ZFAND3: variants seen among roughly 807,000 people sequenced by gnomAD.
The protein encoded by ZFAND3 is AN1-type zinc finger protein 3.
ZFAND3 carries 10 observed loss-of-function variants against 29.6 expected under a neutral mutation model. That is an observed-to-expected ratio of 0.34 (90% CI 0.21 to 0.57). The LOEUF is 0.57. Among genes scored for constraint, ZFAND3 ranks in the 20% least tolerant of loss-of-function variants. ZFAND3 has a pLI of 0.86. For synonymous variants in ZFAND3, 128 were observed against 112.6 expected (o/e 1.14, Z -0.87); for missense variants, 230 against 304.5 (o/e 0.76, Z 1.82).
chr6:37,842,445 A>G (rs1456496880), intron 1 of ZFAND3, among the ~76,000 whole-genome samples: 4 of 152,172 alleles, frequency 2.6e-5, no homozygotes, highest in Admixed American at 2.6e-4. Context: ...TCTTTGACAC[A>G]GTGTAATGTT....
chr6:38,049,895 C>A (rs1763985956), intron 2 of ZFAND3, among the ~76,000 whole-genome samples: 1 of 133,248 alleles, frequency 7.5e-6, no homozygotes, highest in Non-Finnish European at 1.6e-5. Flanking sequence ...CCCACCCCCT[C>A]CCCCTCACAC....
intron 1 of ZFAND3, among the ~76,000 whole-genome samples, chr6:37,847,201 A>G (rs1489042645): frequency 1.3e-5 from 2 of 152,136 alleles, no homozygotes; most frequent in Admixed American, 6.5e-5. Flanking sequence ...GTTACTTTTT[A>G]TGTTTTTTAT....
chr6:37,853,934 C>T (rs1404894677), intron 1 of ZFAND3, among the ~76,000 whole-genome samples: 1 of 151,766 alleles, frequency 6.6e-6, no homozygotes, highest in African/African-American at 2.4e-5. Flanking sequence ...AAAAATAGGG[C>T]TTTTGCCTTT....
chr6:37,962,394 G>A (rs766358631), intron 2 of ZFAND3, among the ~76,000 whole-genome samples: 19 of 152,192 alleles, frequency 1.2e-4, no homozygotes, highest in Non-Finnish European at 1.5e-4. Flanking sequence ...TGGGCTTAAA[G>A]GGGAGGTAGA....
rs201221256 is a variant in ZFAND3, at chr6:38,094,329, G to GA, written c.361+11883dup. Reference sequence around the variant, plus strand: ...CATGGGTACTGCATTTAATCCAGAAGAAAAAAAAAAAGCAAAGGGGAACAA... The same window carrying GA: ...CATGGGTACTGCATTTAATCCAGAAGAAAAAAAAAAAAGCAAAGGGGAACAA... On this transcript the variant is annotated intron_variant, in intron 4 of 5. Coordinates refer to ENST00000287218, the MANE Select transcript of ZFAND3 (RefSeq NM_021943.3). Among the ~76,000 whole-genome samples, 2,697 of 138,016 alleles carry GA rather than the reference G, an allele frequency of 0.02. 250 individuals are homozygous for GA. The East Asian group carries it at 0.29, about 15-fold the overall frequency. 90.5% of individuals were successfully genotyped at this position (138,016 alleles called of 152,430 possible).
intron 4 of ZFAND3, among the ~76,000 whole-genome samples, chr6:38,113,601 G>C (rs1581928846): frequency 6.6e-6 from 1 of 152,208 alleles, no homozygotes; most frequent in African/African-American, 2.4e-5. Flanking sequence ...CAGGGCAGGG[G>C]TTGGGGGGTC....
chr6:37,944,952 A>G (rs1233425978), intron 2 of ZFAND3, among the ~76,000 whole-genome samples: 2 of 152,210 alleles, frequency 1.3e-5, no homozygotes, highest in East Asian at 3.8e-4. Flanking sequence ...GGTTTCTTTA[A>G]TCAAGGGGTG....
At chr6:37,936,513 CTTAATTT>C (rs893120793) in intron 2 of ZFAND3, among the ~76,000 whole-genome samples, 2 of 152,136 alleles carry the variant, frequency 1.3e-5, no homozygotes. Flanking sequence ...TGTGTGCATA[CTTAATTT>C]TTAATAAACC....
intron 1 of ZFAND3, among the ~76,000 whole-genome samples, chr6:37,832,686 C>T (rs997576782): frequency 1.3e-5 from 2 of 152,058 alleles, no homozygotes; most frequent in African/African-American, 4.8e-5. Flanking sequence ...CCTCTCCCCT[C>T]TCTCCTCGAC....
chr6:38,123,530 C>T (rs995574153), intron 5 of ZFAND3, among the ~76,000 whole-genome samples: 2 of 152,180 alleles, frequency 1.3e-5, no homozygotes, highest in Non-Finnish European at 2.9e-5. Context: ...AGAGAAACAC[C>T]TGAGATCTTT....
chr6:37,859,862 GT>G (rs55850662), intron 1 of ZFAND3, among the ~76,000 whole-genome samples: 28,485 of 133,106 alleles, frequency 0.21, 3,089 homozygotes, highest in African/African-American at 0.36. Flanking sequence ...GCTGGAGTGG[GT>G]TTTTTTTTTT....
At chr6:38,078,684 T>C (rs960746828) in intron 3 of ZFAND3, among the ~76,000 whole-genome samples, 1 of 152,190 alleles carries the variant, frequency 6.6e-6, no homozygotes, top group Non-Finnish European at 1.5e-5. Context: ...GTTCTGTGCT[T>C]AGAAATACAT....
chr6:38,153,852 G>A lies in ZFAND3; in HGVS notation c.*1463G>A, dbSNP rs780605730. The stretch of plus-strand genomic sequence containing the variant: ...GGCAGGAGGCCCCTGCGGAGGCAGC[G>A]TGGATCTGCCCACACATAGGCTACT... On this transcript the variant is annotated 3_prime_UTR_variant, in exon 6 of 6. Coordinates refer to ENST00000287218, the MANE Select transcript of ZFAND3 (RefSeq NM_021943.3). The A allele has an allele frequency of 2.0e-4, 201 of 985,412 alleles. No homozygotes were observed. Among genetic ancestry groups the A allele is most frequent in the Non-Finnish European group, 2.4e-4 (196 of 829,958 alleles). The allele number at this position is 985,412 out of a possible 1,614,324, so 61.0% of individuals were successfully genotyped here. A position where few individuals can be genotyped will look rare whatever the true frequency, so the allele number is the denominator to read the frequency against.
chr6:37,989,669 T>C (rs1276460952), intron 2 of ZFAND3, among the ~76,000 whole-genome samples: 2 of 152,106 alleles, frequency 1.3e-5, no homozygotes, highest in African/African-American at 4.8e-5. Context: ...GGAAAGAGTG[T>C]TAGGCAGAGG....
chr6:37,920,721 T>C (rs1761361627), intron 1 of ZFAND3, among the ~76,000 whole-genome samples: 1 of 152,252 alleles, frequency 6.6e-6, no homozygotes, highest in East Asian at 1.9e-4. Flanking sequence ...TCCATTGTAA[T>C]ATTTCCTTAA....
intron 1 of ZFAND3, among the ~76,000 whole-genome samples, chr6:37,844,297 C>CT (rs1764136612): frequency 6.6e-6 from 1 of 150,872 alleles, no homozygotes; most frequent in South Asian, 2.1e-4. Flanking sequence ...TCTTTCTTGT[C>CT]TTTCTTTCTT....
chr6:37,899,672 A>G (rs970697024), intron 1 of ZFAND3, among the ~76,000 whole-genome samples: 1 of 152,248 alleles, frequency 6.6e-6, no homozygotes, highest in Non-Finnish European at 1.5e-5. Context: ...GCCCGTTATT[A>G]TCTTTGCATA....
intron 4 of ZFAND3, among the ~76,000 whole-genome samples, chr6:38,110,427 CAG>C (rs927169039): frequency 1.8e-4 from 28 of 152,214 alleles, no homozygotes; most frequent in African/African-American, 6.7e-4. Flanking sequence ...AGGAGAAACA[CAG>C]AAAGTACCTG....
At chr6:38,095,177 G>A (rs1017237204) in intron 4 of ZFAND3, among the ~76,000 whole-genome samples, 3 of 151,982 alleles carry the variant, frequency 2.0e-5, no homozygotes, top group East Asian at 1.9e-4. Context: ...TTTTTCTATG[G>A]GTCTAATGAA....
Sources: gnomAD v4.1 joint callset for allele counts (sites outside exome capture counted in the v4.1 genomes callset) on GRCh38, gnomAD v4.1.1 for gene constraint, MANE v1.5 for transcripts, NCBI Gene and HGNC (gene_info 2026-07-23, HGNC 2026-07-21) for gene names.